Variants in CDH4 observed in about 807,000 individuals in gnomAD.
CDH4 encodes cadherin-4.
CDH4 carries 33 observed loss-of-function variants against 86.0 expected under a neutral mutation model. The observed-to-expected ratio is 0.38, with a 90% CI of 0.29 to 0.51. The LOEUF (loss-of-function observed/expected upper bound fraction) is 0.51, where lower values mean the gene tolerates loss of function less well. CDH4 is among the 20% of genes least tolerant of loss of function. CDH4 has a pLI of 0.86. For synonymous variants in CDH4, 555 were observed against 549.4 expected, an observed-to-expected ratio of 1.01 and a Z score of -0.14; for missense variants, 1,114 against 1,307.4, an observed-to-expected ratio of 0.85 and a Z score of 2.28.
intron 2 of CDH4, among the ~76,000 whole-genome samples, chr20:61,285,082 TTTGTTTG>T (rs1304577652): frequency 7.2e-4 from 104 of 144,616 alleles, no homozygotes; most frequent in Non-Finnish European, 1.2e-3. Context: ...GTTTTTTTTT[TTTGTTTG>T]TTTGTTTGTT....
rs976584549 is a variant in CDH4, at chr20:61,927,673, G to A, written c.1772-517G>A. Among the ~76,000 whole-genome samples, 17 of 152,338 alleles carry A rather than the reference G, an allele frequency of 1.1e-4. No homozygotes were observed. In the East Asian group the frequency reaches 1.4e-3, roughly 12 times the overall value. On this transcript the variant is annotated intron_variant, in intron 11 of 15. Transcript: ENST00000614565. ...CAGATGGGGGCAAGATGTGGTGGGC[G>A]GATCCCAGCCCTCAGGGGCCAGTGC...
chr20:61,834,006 C>A (rs1981747432), intron 4 of CDH4, among the ~76,000 whole-genome samples: 1 of 152,200 alleles, frequency 6.6e-6, no homozygotes, highest in South Asian at 2.1e-4. Flanking sequence ...GGTCACATGT[C>A]CTTCCTAGCC....
intron 3 of CDH4, among the ~76,000 whole-genome samples, chr20:61,759,950 T>C (rs1177811619): frequency 6.6e-6 from 1 of 152,190 alleles, no homozygotes; most frequent in Non-Finnish European, 1.5e-5. Context: ...AAGCCAGGGG[T>C]GCAGCCCGGC....
intron 5 of CDH4, among the ~76,000 whole-genome samples, chr20:61,846,835 T>C (rs372699048): frequency 2.0e-5 from 3 of 152,098 alleles, no homozygotes; most frequent in Admixed American, 1.3e-4. Flanking sequence ...ACATGCAGCC[T>C]GTGGGTGCTC....
intron 4 of CDH4, among the ~76,000 whole-genome samples, chr20:61,800,325 C>T (rs990560490): frequency 7.2e-5 from 11 of 152,208 alleles, no homozygotes; most frequent in Non-Finnish European, 1.3e-4. Flanking sequence ...GGCAGTTCTG[C>T]GTAGCCGACT....
intron 2 of CDH4, among the ~76,000 whole-genome samples, chr20:61,713,207 A>G (rs535088942): frequency 2.0e-5 from 3 of 152,326 alleles, no homozygotes; most frequent in Non-Finnish European, 2.9e-5. Flanking sequence ...AATGGACTGC[A>G]TCTGTGTCCT....
chr20:61,339,322 G>GTGA (rs2084636906), intron 2 of CDH4, among the ~76,000 whole-genome samples: 1 of 152,146 alleles, frequency 6.6e-6, no homozygotes, highest in African/African-American at 2.4e-5. Context: ...TCCACTGATG[G>GTGA]TGATGATGAT....
chr20:61,259,145 AG>A (rs2084116244), intron 2 of CDH4, among the ~76,000 whole-genome samples: 1 of 152,244 alleles, frequency 6.6e-6, no homozygotes, highest in African/African-American at 2.4e-5. Flanking sequence ...CAGAGTTGAC[AG>A]ACAGTGAATT....
At chr20:61,721,343 G>A (rs987965471) in intron 2 of CDH4, among the ~76,000 whole-genome samples, 2 of 152,174 alleles carry the variant, frequency 1.3e-5, no homozygotes, top group African/African-American at 4.8e-5. Context: ...GGTTGGCCAG[G>A]CTGCTGGACA....
At chr20:61,738,825 GCTC>G (rs2088297973) in intron 2 of CDH4, 2 of 152,418 alleles carry the variant, frequency 1.3e-5, no homozygotes, top group Non-Finnish European at 2.9e-5. Context: ...CGGCAATCCC[GCTC>G]CTCCTCTCAC....
At chr20:61,692,209 CTA>C (rs60575800) in intron 2 of CDH4, among the ~76,000 whole-genome samples, 4,870 of 147,280 alleles carry the variant, frequency 0.033, 242 homozygotes, top group African/African-American at 0.11. Context: ...GTGTGTATGT[CTA>C]TGTATGTATG....
intron 9 of CDH4, 26 bp from the exon 10 acceptor site, chr20:61,923,425 C>G: frequency 6.2e-7 from 1 of 1,612,498 alleles, no homozygotes; most frequent in Non-Finnish European, 8.5e-7. Context: ...TGCCAGGTCA[C>G]TCCCAGCCCT....
intron 2 of CDH4, among the ~76,000 whole-genome samples, chr20:61,722,523 C>T (rs1393789592): frequency 2.0e-5 from 3 of 152,190 alleles, no homozygotes; most frequent in Admixed American, 1.3e-4. Flanking sequence ...AGGGGCCTTA[C>T]CAGGCTGTGT....
At chr20:61,591,483 C>T (rs1377665446) in intron 2 of CDH4, among the ~76,000 whole-genome samples, 2 of 151,872 alleles carry the variant, frequency 1.3e-5, no homozygotes, top group Non-Finnish European at 2.9e-5. Flanking sequence ...TGTTGTGATG[C>T]ATTGTTTGGG....
intron 2 of CDH4, among the ~76,000 whole-genome samples, chr20:61,634,845 T>A (rs2086930603): frequency 6.6e-6 from 1 of 152,216 alleles, no homozygotes; most frequent in Non-Finnish European, 1.5e-5. Flanking sequence ...CAACCGCTGT[T>A]CCACTGTCCG....
intron 4 of CDH4, among the ~76,000 whole-genome samples, chr20:61,786,105 G>T (rs962022412): frequency 2.0e-5 from 3 of 152,170 alleles, no homozygotes; most frequent in Non-Finnish European, 4.4e-5. Flanking sequence ...GAGGCTTTGG[G>T]GGTCTTCGGC....
intron 2 of CDH4, among the ~76,000 whole-genome samples, chr20:61,700,880 G>A (rs1046383676): frequency 2.6e-5 from 4 of 152,214 alleles, no homozygotes; most frequent in Non-Finnish European, 5.9e-5. Flanking sequence ...ACAGCGGACC[G>A]ACATCTTCAA....
At position 61,499,574 on chromosome 20, in the gene CDH4, T is replaced by C. The variant is rs1444712763; in HGVS notation, c.170-243989T>C. On this transcript the variant is annotated intron_variant, in intron 2 of 15. Transcript: ENST00000614565. ...AACTGGGCCCTGATGCTTCAGACAG[T>C]GTCCCTGAGGTCACACAGGGAGGAG... The C allele has an allele frequency of 5.7e-6, 7 of 1,224,240 alleles. No individual in the cohort carries two copies. The African/African-American group carries it at 9.3e-5, about 16-fold the overall frequency. The allele number at this position is 1,224,240 out of a possible 1,614,324, so 75.8% of individuals were successfully genotyped here.
intron 2 of CDH4, among the ~76,000 whole-genome samples, chr20:61,724,799 G>A (rs548713216): frequency 6.6e-6 from 1 of 152,292 alleles, no homozygotes; most frequent in South Asian, 2.1e-4. Context: ...TTCTGTTTGT[G>A]TATTTGTTTT....
Sources: gnomAD v4.1 joint callset for allele counts (sites outside exome capture counted in the v4.1 genomes callset) on GRCh38, gnomAD v4.1.1 for gene constraint, MANE v1.5 for transcripts, NCBI Gene and HGNC (gene_info 2026-07-23, HGNC 2026-07-21) for gene names.